The following FAM162A variants were observed in gnomAD, a reference collection of about 807,000 sequenced individuals.
FAM162A encodes family with sequence similarity 162 member A, also known as protein FAM162A.
FAM162A carries 23 observed loss-of-function variants against 21.8 expected under a neutral mutation model. The ratio of observed to expected loss-of-function variants is 1.05; its 90% CI spans 0.76 to 1.49. FAM162A has a LOEUF of 1.49. Ranked by LOEUF, FAM162A falls within the 40% of genes most tolerant of loss-of-function variation. The pLI, the probability that FAM162A is intolerant of heterozygous loss-of-function variation, is 0.00. For synonymous variants in FAM162A, 53 were observed against 61.3 expected, an observed-to-expected ratio of 0.86 and a Z score of 0.64; for missense variants, 165 against 186.4, an observed-to-expected ratio of 0.89 and a Z score of 0.67.
rs115807403 is a variant in FAM162A at position 122,388,022 on chromosome 3, G to A, written c.34+3723G>A. ...TAAAGTGTAGTGTTTGGAGACGTTT[G>A]AACCAAATGAATTTGGACCAAAAAA... On this transcript the variant is annotated intron_variant, in intron 1 of 4. Coordinates refer to ENST00000477892, the MANE Select transcript of FAM162A (RefSeq NM_014367.4). Among the ~76,000 whole-genome samples, 994 of 152,250 alleles carry A rather than the reference G, an allele frequency of 6.5e-3. 14 individuals are homozygous for A. The highest frequency in any genetic ancestry group is 0.023 in the African/African-American group (940 of 41,552).
At chr3:122,388,383 G>A (rs1164924196) in intron 1 of FAM162A, among the ~76,000 whole-genome samples, 1 of 152,216 alleles carries the variant, frequency 6.6e-6, no homozygotes, top group Non-Finnish European at 1.5e-5. Context: ...AGTAGGTTTA[G>A]GTGGCACTGA....
chr3:122,395,332 G>C (rs1051762391), intron 1 of FAM162A, among the ~76,000 whole-genome samples: 1 of 152,114 alleles, frequency 6.6e-6, no homozygotes. Context: ...CAGATAACAT[G>C]ATCATGTATA....
intron 1 of FAM162A, chr3:122,401,667 T>G (rs2075654109): frequency 2.1e-6 from 1 of 479,742 alleles, no homozygotes; most frequent in African/African-American, 2.1e-5. Flanking sequence ...TTCTGGCTGG[T>G]TGTGAGATGG....
intron 1 of FAM162A, among the ~76,000 whole-genome samples, chr3:122,402,178 G>A (rs1223302761): frequency 4.0e-5 from 6 of 151,600 alleles, no homozygotes; most frequent in Non-Finnish European, 2.9e-5. Context: ...ATAGGGGTTC[G>A]TAATGCTACT....
At chr3:122,400,604 C>T (rs1194548601) in intron 1 of FAM162A, among the ~76,000 whole-genome samples, 2 of 152,128 alleles carry the variant, frequency 1.3e-5, no homozygotes, top group East Asian at 1.9e-4. Flanking sequence ...GCAGGCGGAT[C>T]ACCTAAGGTC....
chr3:122,393,681 TAATC>T (rs2075614643), intron 1 of FAM162A, among the ~76,000 whole-genome samples: 1 of 152,152 alleles, frequency 6.6e-6, no homozygotes, highest in Admixed American at 6.5e-5. Context: ...TTGTTGAAAA[TAATC>T]AGCAGCACTT....
chr3:122,401,944 T>G (rs527412894), intron 1 of FAM162A, among the ~76,000 whole-genome samples: 130 of 152,320 alleles, frequency 8.5e-4, no homozygotes, highest in African/African-American at 3.0e-3. Context: ...TCTTTTGCTG[T>G]GCAGAACCTG....
intron 1 of FAM162A, among the ~76,000 whole-genome samples, chr3:122,394,691 G>T (rs547369548): frequency 6.6e-6 from 1 of 152,270 alleles, no homozygotes; most frequent in Non-Finnish European, 1.5e-5. Context: ...CTTCAATTGT[G>T]CATTCTACCA....
Position 122,410,896 on chromosome 3 carries a change from GTC to G in FAM162A, c.*1069_*1070del, listed in dbSNP as rs2075701654. ...TGTATTCACACTGTATGTGCTAGCC[GTC>G]TCTGTTACGAGATCAGCTGTCGTGG... On this transcript the variant is annotated 3_prime_UTR_variant, in exon 5 of 5. Transcript: ENST00000477892. 2 of 152,284 alleles carry G rather than the reference GTC, an allele frequency of 1.3e-5. No homozygotes were observed. The highest frequency in any genetic ancestry group is 6.5e-5 in the Admixed American group (1 of 15,300). The allele number at this position is 152,284 out of a possible 1,614,324, so 9.4% of individuals were successfully genotyped here. A position where few individuals can be genotyped will look rare whatever the true frequency, so the allele number is the denominator to read the frequency against.
intron 1 of FAM162A, among the ~76,000 whole-genome samples, chr3:122,394,501 G>T (rs1416476170): frequency 6.6e-6 from 1 of 152,086 alleles, no homozygotes; most frequent in African/African-American, 2.4e-5. Context: ...TACAAGGAGA[G>T]ACTATGAACA....
intron 1 of FAM162A, chr3:122,401,395 G>C: frequency 9.5e-7 from 1 of 1,048,234 alleles, no homozygotes; most frequent in Non-Finnish European, 1.2e-6. Flanking sequence ...TGTGATCCTG[G>C]TTAATGGAAC....
intron 1 of FAM162A, among the ~76,000 whole-genome samples, chr3:122,392,901 C>CA (rs35125513): frequency 1.3e-3 from 186 of 148,394 alleles, no homozygotes; most frequent in Non-Finnish European, 1.5e-3. Context: ...CATAATATTT[C>CA]AAAAAAAAAA....
chr3:122,405,573 C>T (rs72956571), intron 3 of FAM162A, among the ~76,000 whole-genome samples: 108 of 152,320 alleles, frequency 7.1e-4, no homozygotes, highest in African/African-American at 2.2e-3. Context: ...CTGGTAGACA[C>T]CCATGGCCTT....
At chr3:122,392,211 G>A (rs2075607086) in intron 1 of FAM162A, among the ~76,000 whole-genome samples, 1 of 152,208 alleles carries the variant, frequency 6.6e-6, no homozygotes, top group Non-Finnish European at 1.5e-5. Flanking sequence ...GGAAAGGACA[G>A]CTGTCTTAGG....
Position 122,410,022 on chromosome 3 carries a change from TC to T in FAM162A, c.*193del. On this transcript the variant is annotated 3_prime_UTR_variant, in exon 5 of 5. Transcript: ENST00000477892. ...TAATGACTGTGTTTTATTGTTTTGATCCAAGTCAAGTGTAGCCTCTCAGCCT... is the reference window on the plus strand; with the variant it reads ...TAATGACTGTGTTTTATTGTTTTGATCAAGTCAAGTGTAGCCTCTCAGCCT... The T allele has an allele frequency of 1.6e-6, 1 of 634,072 alleles. No homozygotes were observed. The highest frequency in any genetic ancestry group is 1.8e-5 in the African/African-American group (1 of 55,008). 39.3% of individuals were successfully genotyped at this position (634,072 alleles called of 1,614,324 possible). A position where few individuals can be genotyped will look rare whatever the true frequency, so the allele number is the denominator to read the frequency against.
At position 122,384,910 on chromosome 3, in the gene FAM162A, T is replaced by C. The variant is rs141819902; in HGVS notation, c.34+611T>C. On this transcript the variant is annotated intron_variant, in intron 1 of 4. Transcript: ENST00000477892. ...GTGTGTAATTGAAGGATCTGCAGTT[T>C]GTTTTGGTGGTAGACATTTGTGTGA... Among the ~76,000 whole-genome samples the C allele has an allele frequency of 1.1e-4, 16 of 152,336 alleles. 1 individual carries two copies. The East Asian group carries it at 3.1e-3, about 29-fold the overall frequency.
chr3:122,401,963 C>T (rs2075655479), intron 1 of FAM162A, among the ~76,000 whole-genome samples: 1 of 151,934 alleles, frequency 6.6e-6, no homozygotes, highest in Non-Finnish European at 1.5e-5. Context: ...TGTTTAGTTT[C>T]TGCACAGTAA....
intron 1 of FAM162A, among the ~76,000 whole-genome samples, chr3:122,391,811 T>C (rs190986751): frequency 1.3e-5 from 2 of 152,370 alleles, no homozygotes; most frequent in Admixed American, 6.5e-5. Context: ...TAGCCCTTGC[T>C]TCCCTTCAAG....
intron 1 of FAM162A, among the ~76,000 whole-genome samples, chr3:122,384,531 A>G (rs1317885784): frequency 6.6e-6 from 1 of 151,952 alleles, no homozygotes; most frequent in Admixed American, 6.6e-5. Flanking sequence ...CCCAGCTCCC[A>G]CCAACTTAAC....
Sources: allele counts gnomAD v4.1 joint callset (sites outside exome capture counted in the v4.1 genomes callset), GRCh38; gene constraint gnomAD v4.1.1; transcripts MANE v1.5; gene names NCBI Gene and HGNC (gene_info 2026-07-23, HGNC 2026-07-21).